WDR72: variants seen among roughly 807,000 people sequenced by gnomAD.
WDR72 encodes the protein WD repeat domain 72, also known as WD repeat-containing protein 72.
In WDR72, 120 loss-of-function variants were observed where a neutral mutation model predicts 124.2. The ratio of observed to expected loss-of-function variants is 0.97; its 90% CI spans 0.83 to 1.12. WDR72 has a LOEUF of 1.12. Among genes scored for constraint, WDR72 ranks in the 50% most tolerant of loss-of-function variants. The probability of loss-of-function intolerance (pLI) is 0.00; values close to 1 mark genes in which losing one functional copy is unlikely to be tolerated. For synonymous variants in WDR72, 452 were observed against 441.7 expected, an observed-to-expected ratio of 1.02 and a Z score of -0.29; for missense variants, 1,387 against 1,278.8, an observed-to-expected ratio of 1.08 and a Z score of -1.29.
intron 18 of WDR72, among the ~76,000 whole-genome samples, chr15:53,528,797 AAG>A (rs1332471906): frequency 1.3e-5 from 2 of 152,020 alleles, no homozygotes; most frequent in Non-Finnish European, 2.9e-5. Context: ...ATAAATGAGA[AAG>A]AGGTATCAAT....
intron 14 of WDR72, among the ~76,000 whole-genome samples, chr15:53,642,907 C>G (rs2014906001): frequency 6.6e-6 from 1 of 151,868 alleles, no homozygotes; most frequent in East Asian, 1.9e-4. Context: ...CATTGGGATC[C>G]AACTTATTCT....
At position 53,711,501 on chromosome 15, in the gene WDR72, C is replaced by T. The variant is rs766236002; in HGVS notation, c.712-20G>A. The T allele has an allele frequency of 3.5e-5, 57 of 1,613,232 alleles. No homozygotes were observed. Among genetic ancestry groups the T allele is most frequent in the Admixed American group, 2.3e-4 (14 of 59,996 alleles). On this transcript the variant is annotated intron_variant, in intron 7 of 19. Transcript: ENST00000360509. ...ATAAACCTAAAATATGAAGTTGATG[C>T]ACATTATCAAAGGCTTAAATCTAGT...
In WDR72 at chr15:53,553,084, C is replaced by T. The variant is rs75451588; in HGVS notation, c.3149-29762G>A. On this transcript the variant is annotated intron_variant, in intron 18 of 19. Transcript: ENST00000360509. ...TAATGGCTTTCTTTAGGGTCCTTCCCACAGCAATGATTCAGAATACTACAT... is the reference window on the plus strand; with the variant it reads ...TAATGGCTTTCTTTAGGGTCCTTCCTACAGCAATGATTCAGAATACTACAT... 4.4e-3 allele frequency among the ~76,000 whole-genome samples: 670 copies of T among 152,002 alleles called. 4 individuals are homozygous for T. Among genetic ancestry groups the T allele is most frequent in the African/African-American group, 0.016 (654 of 41,458 alleles).
intron 14 of WDR72, among the ~76,000 whole-genome samples, chr15:53,640,478 C>T (rs1433642432): frequency 6.6e-6 from 1 of 152,168 alleles, no homozygotes; most frequent in Non-Finnish European, 1.5e-5. Flanking sequence ...TAAGCCATTT[C>T]TCCACAGATT....
At chr15:53,529,749 T>A (rs1169746194) in intron 18 of WDR72, among the ~76,000 whole-genome samples, 3 of 151,982 alleles carry the variant, frequency 2.0e-5, no homozygotes, top group Non-Finnish European at 4.4e-5. Flanking sequence ...TCCTTTTATA[T>A]GTAAGGATGG....
intron 14 of WDR72, among the ~76,000 whole-genome samples, chr15:53,663,712 C>T (rs553533004): frequency 6.6e-6 from 1 of 152,048 alleles, no homozygotes; most frequent in African/African-American, 2.4e-5. Context: ...CTATAAGATG[C>T]TAACTCTGTT....
At chr15:53,762,059 C>A (rs74330764), upstream of WDR72, among the ~76,000 whole-genome samples, 2,842 of 152,032 alleles carry the variant, frequency 0.019, 96 homozygotes, top group African/African-American at 0.065. Flanking sequence ...ACTTTACCCT[C>A]CAAATCCTAT....
intron 13 of WDR72, among the ~76,000 whole-genome samples, chr15:53,690,945 T>C (rs1389990621): frequency 1.3e-5 from 2 of 152,174 alleles, no homozygotes; most frequent in Non-Finnish European, 2.9e-5. Flanking sequence ...TCCTATTTTC[T>C]CCATTTTTGC....
At chr15:53,734,864 G>A (rs1490229168) in intron 1 of WDR72, among the ~76,000 whole-genome samples, 1 of 151,130 alleles carries the variant, frequency 6.6e-6, no homozygotes, top group Non-Finnish European at 1.5e-5. Flanking sequence ...CTTCACATGG[G>A]GATTCTGGAG....
chr15:53,702,681 T>C (rs910962407), intron 11 of WDR72, among the ~76,000 whole-genome samples: 3 of 152,102 alleles, frequency 2.0e-5, no homozygotes, highest in African/African-American at 7.2e-5. Flanking sequence ...AAGACCAGCC[T>C]GGCCAACATG....
intron 14 of WDR72, among the ~76,000 whole-genome samples, chr15:53,625,719 G>A (rs535029742): frequency 1.8e-4 from 27 of 151,074 alleles, no homozygotes; most frequent in African/African-American, 6.1e-4. Context: ...TAAAACCAAC[G>A]CCAATGACAC....
chr15:53,721,466 T>C (rs972206938), intron 3 of WDR72, among the ~76,000 whole-genome samples: 4 of 152,212 alleles, frequency 2.6e-5, no homozygotes, highest in Non-Finnish European at 5.9e-5. Flanking sequence ...TAGCAGACTT[T>C]GTGGCAGCCC....
intron 14 of WDR72, among the ~76,000 whole-genome samples, chr15:53,640,895 T>C (rs1489110376): frequency 6.8e-6 from 1 of 146,794 alleles, no homozygotes. Context: ...AAGATATTAA[T>C]ACTTTATTGA....
At chr15:53,678,235 G>GT (rs570340676) in intron 13 of WDR72, among the ~76,000 whole-genome samples, 1 of 152,148 alleles carries the variant, frequency 6.6e-6, no homozygotes, top group Non-Finnish European at 1.5e-5. Flanking sequence ...ATTTTTTAAT[G>GT]TTTTTGCCAC....
chr15:53,628,426 G>A (rs559407358), intron 14 of WDR72, among the ~76,000 whole-genome samples: 14 of 152,206 alleles, frequency 9.2e-5, no homozygotes, highest in Admixed American at 5.9e-4. Flanking sequence ...TGACACCCAT[G>A]TATTGAATAC....
chr15:53,626,413 G>T (rs113110080), intron 14 of WDR72, among the ~76,000 whole-genome samples: 2 of 152,142 alleles, frequency 1.3e-5, no homozygotes, highest in Non-Finnish European at 2.9e-5. Context: ...GGAGCACAGC[G>T]GACACCCTGC....
chr15:53,523,244 C>A lies in WDR72; in HGVS notation c.3227G>T (p.Cys1076Phe). The A allele has an allele frequency of 1.9e-6, 3 of 1,613,126 alleles. No homozygotes were observed. The highest frequency in any genetic ancestry group is 2.5e-6 in the Non-Finnish European group (3 of 1,179,386). ...TGGACTCTCAGACTCTTCCAAGGCACATCTGTCAGGCATGTCCTCCACGTC... is the reference window on the plus strand; with the variant it reads ...TGGACTCTCAGACTCTTCCAAGGCAAATCTGTCAGGCATGTCCTCCACGTC... ...FQDVEDMPDRCALEESESPGE... is the reference protein window; with the variant it reads ...FQDVEDMPDRFALEESESPGE... The change falls in exon 19 of 20, where the codon TGT (cysteine) becomes TTT (phenylalanine). Residue 1076 changes from cysteine to phenylalanine, a missense_variant. Physicochemically the swap from Cys to Phe is radical, Grantham distance 205 (BLOSUM62 -2). Coordinates refer to ENST00000360509, the MANE Select transcript of WDR72 (RefSeq NM_182758.4).
rs796779300 is a variant in WDR72, at chr15:53,679,504, CAGG to C, written c.1766-13739_1766-13737del. Reference sequence around the variant, plus strand: ...CTGAGAAAGAGGGACCATTGGCCATCAGGAGAAGGCAGTGTCATATGAGGCTGA... The same window carrying C: ...CTGAGAAAGAGGGACCATTGGCCATCAGAAGGCAGTGTCATATGAGGCTGA... On this transcript the variant is annotated intron_variant, in intron 13 of 19. Transcript: ENST00000360509. Among the ~76,000 whole-genome samples the C allele has an allele frequency of 5.9e-5, 9 of 152,120 alleles. 1 individual carries two copies. Among genetic ancestry groups the C allele is most frequent in the African/African-American group, 2.2e-4 (9 of 41,494 alleles).
At position 53,535,610 on chromosome 15, in the gene WDR72, C is replaced by A. The variant is rs545134223; in HGVS notation, c.3149-12288G>T. On this transcript the variant is annotated intron_variant, in intron 18 of 19. Coordinates refer to ENST00000360509, the MANE Select transcript of WDR72 (RefSeq NM_182758.4). ...TGGGAGGAACCAGTTATTTCCAGGG[C>A]ATTTCTCTCCTATTTCCCACAGTAA... Among the ~76,000 whole-genome samples the A allele has an allele frequency of 8.7e-4, 133 of 152,282 alleles. 4 individuals are homozygous for A. In the South Asian group the frequency reaches 0.027, roughly 30 times the overall value.
Sources: allele counts gnomAD v4.1 joint callset (sites outside exome capture counted in the v4.1 genomes callset), GRCh38; gene constraint gnomAD v4.1.1; transcripts MANE v1.5; gene names NCBI Gene and HGNC (gene_info 2026-07-23, HGNC 2026-07-21).